The following RECQL5 variants were observed in gnomAD, a reference collection of about 807,000 sequenced individuals.
The protein encoded by RECQL5 is RecQ like helicase 5.
In RECQL5, 88 loss-of-function variants were observed where a neutral mutation model predicts 103.4. The ratio of observed to expected loss-of-function variants is 0.85; its 90% CI spans 0.72 to 1.02. RECQL5 has a LOEUF of 1.02. Ranked by LOEUF, RECQL5 falls within the 50% of genes least tolerant of loss-of-function variation. The pLI is 0.00. For synonymous variants in RECQL5, 552 were observed against 507.9 expected, an observed-to-expected ratio of 1.09 and a Z score of -1.17; for missense variants, 1,232 against 1,284.3, an observed-to-expected ratio of 0.96 and a Z score of 0.62.
chr17:75,656,233 C>T (rs1278565744), intron 7 of RECQL5, among the ~76,000 whole-genome samples: 1 of 152,154 alleles, frequency 6.6e-6, no homozygotes, highest in African/African-American at 2.4e-5. Context: ...TGCGCCACCA[C>T]ACCTGGCTAA....
chr17:75,647,981 G>A (rs1238293148), intron 8 of RECQL5: 2 of 174,356 alleles, frequency 1.1e-5, no homozygotes, highest in East Asian at 3.7e-4. Context: ...CTGCTAACTT[G>A]TGAGAGCTCA....
Position 75,631,274 on chromosome 17 carries a change from GC to G in RECQL5, c.1449-26del, listed in dbSNP as rs756862779. ...CCTAGGGACAGGCCAGGCGTGAGTG[GC>G]CCTGGCCTGGGCTCTGCCCTCCCCA... On this transcript the variant is annotated intron_variant, in intron 9 of 19. Coordinates refer to ENST00000317905, the MANE Select transcript of RECQL5 (RefSeq NM_004259.7). 8.1e-6 allele frequency: 13 copies of G among 1,602,334 alleles called. No individual in the cohort carries two copies. In the African/African-American group the frequency reaches 1.1e-4, roughly 13 times the overall value.
rs918742291 is a variant in RECQL5 at position 75,640,128 on chromosome 17, A to G, written c.1230-8460T>C. The G allele has an allele frequency of 6.9e-6, 10 of 1,455,048 alleles. No homozygotes were observed. The African/African-American group carries it at 1.3e-4, about 19-fold the overall frequency. The allele number at this position is 1,455,048 out of a possible 1,614,324, so 90.1% of individuals were successfully genotyped here. A position where few individuals can be genotyped will look rare whatever the true frequency, so the allele number is the denominator to read the frequency against. ...TCGGTGCTGCGACGAGTGTGGGGCC[A>G]GCCGTGGAGGCTCCAGGTGTTCTCT... On this transcript the variant is annotated intron_variant, in intron 8 of 19. Coordinates refer to ENST00000317905, the MANE Select transcript of RECQL5 (RefSeq NM_004259.7). This position sits in a 1 kb window ranked among gnomAD's most constrained non-coding sequence, Gnocchi z 4.6.
intron 8 of RECQL5, among the ~76,000 whole-genome samples, chr17:75,645,405 C>T (rs188741394): frequency 5.3e-5 from 8 of 152,260 alleles, no homozygotes; most frequent in South Asian, 2.1e-4. Context: ...CTGATGACCT[C>T]GGCTAAGTTA....
At chr17:75,643,687 C>T (rs2059458038) in intron 8 of RECQL5, among the ~76,000 whole-genome samples, 1 of 152,216 alleles carries the variant, frequency 6.6e-6, no homozygotes, top group African/African-American at 2.4e-5. Context: ...TGCTGCAGAC[C>T]TGGGCGGCCT....
At chr17:75,628,540 C>A in intron 17 of RECQL5, 98 bp from the exon 18 acceptor site, 1 of 1,519,208 alleles carries the variant, frequency 6.6e-7, no homozygotes, top group South Asian at 1.2e-5. Context: ...CTGCCTCTCT[C>A]CAGCCCAGCC....
chr17:75,651,407 AG>A (rs2059554323), intron 7 of RECQL5, 142 bp from the exon 8 acceptor site: 1 of 926,730 alleles, frequency 1.1e-6, no homozygotes, highest in South Asian at 1.4e-5. Flanking sequence ...GGATCATTTG[AG>A]GTCAGGAGTT....
At chr17:75,628,117 A>G in intron 18 of RECQL5, 101 bp downstream of exon 18, 1 of 1,048,820 alleles carries the variant, frequency 9.5e-7, no homozygotes, top group South Asian at 1.4e-5. Flanking sequence ...GGCTGGCCCT[A>G]GGCCCACTGT....
intron 8 of RECQL5, chr17:75,633,681 C>T: frequency 8.7e-7 from 1 of 1,152,958 alleles, no homozygotes; most frequent in Non-Finnish European, 1.1e-6. Context: ...AGGGAGTGGC[C>T]AGAGGGACAG....
At chr17:75,656,707 AT>A (rs1424628775) in intron 7 of RECQL5, among the ~76,000 whole-genome samples, 2 of 146,804 alleles carry the variant, frequency 1.4e-5, no homozygotes, top group African/African-American at 5.0e-5. Flanking sequence ...TACTTTCATT[AT>A]CCTTGCGAAT....
intron 5 of RECQL5, among the ~76,000 whole-genome samples, 170 bp from the exon 6 acceptor site, chr17:75,661,236 C>T (rs1221697822): frequency 3.3e-5 from 5 of 152,230 alleles, no homozygotes; most frequent in African/African-American, 1.2e-4. Flanking sequence ...CCTCAGCTGA[C>T]AGGCACAAAG....
chr17:75,667,084 G>A lies in RECQL5; in HGVS notation c.-55C>T. ...TCCGCCCAAGAATTAAAGGCTGCTG[G>A]CTGGTTCCGGAACTGTTCGAAGACC... is the stretch of plus-strand genomic sequence containing the variant. On this transcript the variant is annotated 5_prime_UTR_variant, in exon 1 of 20. Coordinates refer to ENST00000317905, the MANE Select transcript of RECQL5 (RefSeq NM_004259.7). The A allele has an allele frequency of 2.5e-6, 1 of 395,382 alleles. No individual in the cohort carries two copies. The highest frequency in any genetic ancestry group is 4.6e-6 in the Non-Finnish European group (1 of 218,992). 24.5% of individuals were successfully genotyped at this position (395,382 alleles called of 1,614,324 possible).
chr17:75,634,063 G>C (rs1371379625), intron 8 of RECQL5: 2 of 985,502 alleles, frequency 2.0e-6, no homozygotes, highest in Non-Finnish European at 2.4e-6. Context: ...GCCAGGCAGA[G>C]ACAGCAGCTG....
rs771207358 is a variant in RECQL5, at chr17:75,650,701, T to TG, written c.1229+484dup. On this transcript the variant is annotated intron_variant, in intron 8 of 19. Transcript: ENST00000317905. ...CCAAGCAGCCCTCAGACTCTTTCCGTGGCCCCTGCCCCATCGCCTGCAGAT... is the reference window on the plus strand; with the variant it reads ...CCAAGCAGCCCTCAGACTCTTTCCGTGGGCCCCTGCCCCATCGCCTGCAGAT... 29 of 1,613,910 alleles carry TG rather than the reference T, an allele frequency of 1.8e-5. No homozygotes were observed. In the Middle Eastern group the frequency reaches 1.5e-3, roughly 83 times the overall value.
intron 8 of RECQL5, chr17:75,647,702 T>A: frequency 1.2e-6 from 1 of 818,510 alleles, no homozygotes; most frequent in Non-Finnish European, 1.9e-6. Flanking sequence ...GGAAAAAGTC[T>A]AGTAAAATAC....
intron 7 of RECQL5, among the ~76,000 whole-genome samples, chr17:75,656,305 CG>C (rs2059619474): frequency 1.4e-5 from 2 of 148,078 alleles, no homozygotes; most frequent in Admixed American, 1.3e-4. Context: ...CTCAAACTCC[CG>C]ACCTCAGGTG....
At chr17:75,647,146 T>G (rs2059498166) in intron 8 of RECQL5, among the ~76,000 whole-genome samples, 1 of 152,218 alleles carries the variant, frequency 6.6e-6, no homozygotes, top group Admixed American at 6.5e-5. Context: ...CCCCACTTCT[T>G]GCGCCAGTCC....
At position 75,629,761 on chromosome 17, in the gene RECQL5, C is replaced by T. The variant is rs1352060084; in HGVS notation, c.1894G>A (p.Glu632Lys). 1.2e-6 allele frequency: 2 copies of T among 1,613,584 alleles called. No homozygotes were observed. The highest frequency in any genetic ancestry group is 2.2e-5 in the South Asian group (2 of 91,068). ...TCATACTCATTGGGCTCCGGGGGCT[C>T]AGCTTGGGCACTGCAGCTCTTGGCA... ...GSAKSCSAQA[E>K]PPEPNEYDIP... is the part of the protein sequence containing the mutation. The change falls in exon 15 of 20, where the codon GAG becomes AAG. Residue 632 changes from glutamate (E) to lysine (K), a missense_variant. Glu to Lys is a moderately conservative substitution (Grantham distance 56, BLOSUM62 1). Transcript: ENST00000317905.
rs2059315831 is a variant in RECQL5, at chr17:75,636,068, A to G, written c.1230-4400T>C. On this transcript the variant is annotated intron_variant, in intron 8 of 19. Coordinates refer to ENST00000317905, the MANE Select transcript of RECQL5 (RefSeq NM_004259.7). This position sits in a 1 kb window ranked among gnomAD's most constrained non-coding sequence, Gnocchi z 5.4. ...CTGACCGCTACTGCAGCCAGGGCACACCCTCTGAAGGCTCCAAGCAGGGCT... is the reference window on the plus strand; with the variant it reads ...CTGACCGCTACTGCAGCCAGGGCACGCCCTCTGAAGGCTCCAAGCAGGGCT... Among the ~76,000 whole-genome samples, 1 of 152,128 alleles carries G rather than the reference A, an allele frequency of 6.6e-6. No homozygotes were observed. The highest frequency in any genetic ancestry group is 2.1e-4 in the South Asian group (1 of 4,828).
Sources: allele counts gnomAD v4.1 joint callset (sites outside exome capture counted in the v4.1 genomes callset), GRCh38; gene constraint gnomAD v4.1.1; non-coding constraint Gnocchi (gnomAD v3.1); transcripts MANE v1.5; gene names NCBI Gene and HGNC (gene_info 2026-07-23, HGNC 2026-07-21).